SPAG9: variants seen among roughly 807,000 people sequenced by gnomAD.
SPAG9 encodes sperm associated antigen 9, also known as C-Jun-amino-terminal kinase-interacting protein 4.
In SPAG9, 35 loss-of-function variants were observed where a neutral mutation model predicts 166.5. The ratio of observed to expected loss-of-function variants is 0.21; its 90% CI spans 0.16 to 0.28. SPAG9 has a LOEUF of 0.28. Among genes scored for constraint, SPAG9 ranks in the 10% least tolerant of loss-of-function variants. The pLI, the probability that SPAG9 is intolerant of heterozygous loss-of-function variation, is 1.00. For synonymous variants in SPAG9, 534 were observed against 565.5 expected (o/e 0.94, Z 0.79); for missense variants, 1,235 against 1,603.3 (o/e 0.77, Z 3.92).
chr17:51,048,142 T>C (rs909450719), intron 3 of SPAG9, among the ~76,000 whole-genome samples: 17 of 152,042 alleles, frequency 1.1e-4, no homozygotes, highest in African/African-American at 4.1e-4. Context: ...GAGTCTTAGA[T>C]AAGGAATCAT....
At chr17:50,982,035 A>G (rs952026491) in intron 25 of SPAG9, among the ~76,000 whole-genome samples, 1 of 146,238 alleles carries the variant, frequency 6.8e-6, no homozygotes, top group Non-Finnish European at 1.5e-5. Flanking sequence ...TCTGTCTCAG[A>G]AAAAAAAAAA....
At chr17:51,097,035 G>A (rs1194725082) in intron 1 of SPAG9, among the ~76,000 whole-genome samples, 4 of 152,242 alleles carry the variant, frequency 2.6e-5, no homozygotes, top group Non-Finnish European at 5.9e-5. Context: ...CCTCCCAGGA[G>A]GGGAAAGGGG....
intron 1 of SPAG9, chr17:51,085,182 G>A (rs1364673790): frequency 6.6e-6 from 1 of 152,078 alleles, no homozygotes; most frequent in African/African-American, 2.4e-5. Flanking sequence ...TTTGTGCTAT[G>A]GATAAAATAC....
chr17:51,061,068 G>C (rs1021039025), intron 2 of SPAG9, among the ~76,000 whole-genome samples: 1 of 151,208 alleles, frequency 6.6e-6, no homozygotes, highest in Non-Finnish European at 1.5e-5. Flanking sequence ...GGATGGTCTC[G>C]ATCTCCTGAC....
chr17:51,039,770 T>C (rs571871430), intron 5 of SPAG9, among the ~76,000 whole-genome samples: 31 of 152,316 alleles, frequency 2.0e-4, no homozygotes, highest in African/African-American at 7.5e-4. Flanking sequence ...TTGGGTAGTA[T>C]TAAAATATAG....
At chr17:51,073,849 T>C (rs1352835407) in intron 2 of SPAG9, among the ~76,000 whole-genome samples, 1 of 152,170 alleles carries the variant, frequency 6.6e-6, no homozygotes, top group African/African-American at 2.4e-5. Flanking sequence ...ACGCCTGTAA[T>C]CCCAACACTT....
chr17:51,061,583 C>G (rs2047516844), intron 2 of SPAG9, among the ~76,000 whole-genome samples: 1 of 114,168 alleles, frequency 8.8e-6, no homozygotes, highest in South Asian at 3.0e-4. Flanking sequence ...GCACTCTAGT[C>G]TGGGCAACAA....
intron 2 of SPAG9, among the ~76,000 whole-genome samples, chr17:51,077,021 T>TCTAGCTAGCTATCTAGCTAGCTAG (rs1249662126): frequency 2.6e-5 from 2 of 76,122 alleles, no homozygotes; most frequent in African/African-American, 1.3e-4. Flanking sequence ...TAGCTAGCTA[T>TCTAGCTAGCTATCTAGCTAGCTAG]CTAGCTATCT....
intron 24 of SPAG9, 62 bp from the exon 25 acceptor site, chr17:50,982,734 G>T: frequency 1.4e-6 from 2 of 1,383,910 alleles, no homozygotes; most frequent in Non-Finnish European, 2.0e-6. Flanking sequence ...TTCAACACAA[G>T]AAACATTTTA....
intron 29 of SPAG9, among the ~76,000 whole-genome samples, chr17:50,969,760 C>T (rs558448485): frequency 6.6e-6 from 1 of 152,250 alleles, no homozygotes; most frequent in South Asian, 2.1e-4. Flanking sequence ...GTCCTCCCCA[C>T]CCCATTCCCC....
chr17:51,110,697 A>C (rs1326620818), intron 1 of SPAG9, among the ~76,000 whole-genome samples: 3 of 152,028 alleles, frequency 2.0e-5, no homozygotes, highest in Non-Finnish European at 2.9e-5. Flanking sequence ...AATAACATAA[A>C]ATAAAATTCT....
intron 11 of SPAG9, among the ~76,000 whole-genome samples, chr17:51,005,775 C>T (rs375765103): frequency 3.3e-5 from 5 of 152,226 alleles, no homozygotes; most frequent in Admixed American, 6.5e-5. Flanking sequence ...CGCTTGAACT[C>T]GGGAGGCAGA....
intron 5 of SPAG9, among the ~76,000 whole-genome samples, chr17:51,033,812 G>GA (rs1475316977): frequency 6.6e-6 from 1 of 152,170 alleles, no homozygotes; most frequent in East Asian, 1.9e-4. Context: ...TTTTTCAGTA[G>GA]AAAATGTTAA....
chr17:51,113,361 A>C (rs1029925901), intron 1 of SPAG9, among the ~76,000 whole-genome samples: 9 of 150,670 alleles, frequency 6.0e-5, no homozygotes, highest in Non-Finnish European at 1.2e-4. Flanking sequence ...ATCAAAAAAA[A>C]AAAAAAAAAA....
At chr17:51,070,700 G>GA (rs1239275957) in intron 2 of SPAG9, among the ~76,000 whole-genome samples, 7 of 151,616 alleles carry the variant, frequency 4.6e-5, no homozygotes, top group East Asian at 3.9e-4. Flanking sequence ...CGTGGATCAA[G>GA]AAAAAAAACA....
rs1168492883 is a variant in SPAG9 at position 50,982,640 on chromosome 17, A to C, written c.3121T>G (p.Leu1041Val). Residue 1041 changes from leucine to valine, a missense_variant, in exon 25 of 30, where the codon TTA becomes GTA. Physicochemically the swap from Leu to Val is conservative, Grantham distance 32. Transcript: ENST00000262013. Reference protein sequence around the residue: ...GQWDLSNYHLLDLGRPHHSIR... With the variant: ...GQWDLSNYHLVDLGRPHHSIR... The stretch of plus-strand genomic sequence containing the variant: ...GAATGATGAGGCCGTCCAAGGTCTA[A>C]GAGGTGATAGTTTGACAAATCCCAC... 12 of 1,612,576 alleles carry C rather than the reference A, an allele frequency of 7.4e-6. No individual in the cohort carries two copies. The highest frequency in any genetic ancestry group is 1.0e-5 in the Non-Finnish European group (12 of 1,179,728).
chr17:51,054,288 G>A (rs544225405), intron 3 of SPAG9, among the ~76,000 whole-genome samples: 145 of 151,032 alleles, frequency 9.6e-4, no homozygotes, highest in Middle Eastern at 3.4e-3. Flanking sequence ...GGCTATTTTT[G>A]TATATATTTT....
chr17:51,044,757 T>C (rs2046960952), intron 4 of SPAG9, among the ~76,000 whole-genome samples: 1 of 152,204 alleles, frequency 6.6e-6, no homozygotes, highest in Non-Finnish European at 1.5e-5. Context: ...GAGTTTCGAT[T>C]CAAAGCCAGT....
At chr17:51,070,096 C>T (rs1462223546) in intron 2 of SPAG9, among the ~76,000 whole-genome samples, 1 of 151,192 alleles carries the variant, frequency 6.6e-6, no homozygotes, top group Non-Finnish European at 1.5e-5. Flanking sequence ...AAAAAAAAAC[C>T]TGTACTCCCC....
Sources: gnomAD v4.1 joint callset for allele counts (sites outside exome capture counted in the v4.1 genomes callset) on GRCh38, gnomAD v4.1.1 for gene constraint, MANE v1.5 for transcripts, NCBI Gene and HGNC (gene_info 2026-07-23, HGNC 2026-07-21) for gene names.